The following LIN7A variants were observed in gnomAD, a reference collection of about 807,000 sequenced individuals.
LIN7A encodes the protein lin-7 cell polarity scaffold A.
Under a neutral mutation model 29.8 loss-of-function variants are expected in LIN7A, and 25 were observed. The ratio of observed to expected loss-of-function variants is 0.84; its 90% confidence interval spans 0.61 to 1.17. LIN7A has a LOEUF of 1.17. Among genes scored for constraint, LIN7A ranks in the 50% most tolerant of loss-of-function variants. The pLI is 0.00. For synonymous variants in LIN7A, 118 were observed against 107.5 expected, an observed-to-expected ratio of 1.10 and a Z score of -0.60; for missense variants, 239 against 287.0, an observed-to-expected ratio of 0.83 and a Z score of 1.21.
intron 4 of LIN7A, chr12:80,841,891 A>G (rs1872839991): frequency 1.9e-6 from 2 of 1,033,548 alleles, no homozygotes; most frequent in South Asian, 3.2e-5. Context: ...TTGACCTCCT[A>G]TTAATGTTAA....
chr12:80,808,927 T>G (rs1871163782), intron 5 of LIN7A, among the ~76,000 whole-genome samples: 1 of 152,190 alleles, frequency 6.6e-6, no homozygotes, highest in Admixed American at 6.5e-5. Flanking sequence ...AGGATTGTTG[T>G]AGGACAAATC....
chr12:80,853,866 GT>G (rs897790760), intron 2 of LIN7A, among the ~76,000 whole-genome samples: 3 of 151,908 alleles, frequency 2.0e-5, no homozygotes, highest in African/African-American at 7.3e-5. Context: ...TAATTTTTTT[GT>G]ATTTTTAATA....
chr12:80,904,330 T>C (rs1403780286), intron 1 of LIN7A, among the ~76,000 whole-genome samples: 1 of 152,136 alleles, frequency 6.6e-6, no homozygotes, highest in Non-Finnish European at 1.5e-5. Context: ...AAATCTACTC[T>C]CCTAGTGATT....
At chr12:80,912,014 A>AT (rs1458000600) in intron 1 of LIN7A, among the ~76,000 whole-genome samples, 1 of 151,802 alleles carries the variant, frequency 6.6e-6, no homozygotes, top group Non-Finnish European at 1.5e-5. Flanking sequence ...TTATTTCTCT[A>AT]TTAACAGATA....
At position 80,848,239 on chromosome 12, in the gene LIN7A, C is replaced by T. The variant is rs767200120; in HGVS notation, c.273+12G>A. 1 of 1,607,060 alleles carries T rather than the reference C, an allele frequency of 6.2e-7. No individual in the cohort carries two copies. Reference sequence around the variant, plus strand: ...GGGGTCAAGTATATTTTTAAAGTTACTCAAGCCTTACCTTTGCTGTTGCCC... The same window carrying T: ...GGGGTCAAGTATATTTTTAAAGTTATTCAAGCCTTACCTTTGCTGTTGCCC... On this transcript the variant is annotated intron_variant, in intron 3 of 5. Coordinates refer to ENST00000552864, the MANE Select transcript of LIN7A (RefSeq NM_004664.4).
At chr12:80,897,760 G>A (rs551744233) in intron 1 of LIN7A, among the ~76,000 whole-genome samples, 15 of 152,112 alleles carry the variant, frequency 9.9e-5, no homozygotes, top group African/African-American at 2.7e-4. Context: ...AGCCAAGATC[G>A]TGCCACTGCA....
chr12:80,870,969 G>A (rs571529156), intron 2 of LIN7A, among the ~76,000 whole-genome samples: 1 of 152,188 alleles, frequency 6.6e-6, no homozygotes, highest in Admixed American at 6.5e-5. Flanking sequence ...TATACCTCAG[G>A]GAAAGGTCAA....
intron 2 of LIN7A, among the ~76,000 whole-genome samples, chr12:80,878,776 C>A (rs148842080): frequency 6.6e-6 from 1 of 152,276 alleles, no homozygotes; most frequent in African/African-American, 2.4e-5. Context: ...TTACAAACCT[C>A]TAGCCACAGA....
intron 4 of LIN7A, among the ~76,000 whole-genome samples, chr12:80,832,259 G>T (rs989348723): frequency 6.6e-6 from 1 of 152,144 alleles, no homozygotes; most frequent in African/African-American, 2.4e-5. Flanking sequence ...CTCCCTTAGG[G>T]TATGATCTAC....
At chr12:80,883,266 G>A (rs1265099454) in intron 2 of LIN7A, among the ~76,000 whole-genome samples, 2 of 151,998 alleles carry the variant, frequency 1.3e-5, no homozygotes, top group African/African-American at 4.8e-5. Flanking sequence ...CTGAATCTAA[G>A]TTGTATCACC....
At chr12:80,829,948 G>A (rs1344577983) in intron 4 of LIN7A, among the ~76,000 whole-genome samples, 1 of 152,144 alleles carries the variant, frequency 6.6e-6, no homozygotes, top group African/African-American at 2.4e-5. Flanking sequence ...ATTCCAAAAT[G>A]CACTCTCGTG....
intron 2 of LIN7A, among the ~76,000 whole-genome samples, chr12:80,886,496 A>AG (rs1356314276): frequency 1.1e-4 from 17 of 151,724 alleles, no homozygotes; most frequent in Non-Finnish European, 2.4e-4. Flanking sequence ...ATAATAAAGA[A>AG]ATTCCAAACT....
Position 80,930,627 on chromosome 12 carries a change from C to A in LIN7A, c.82+7014G>T, listed in dbSNP as rs553696465. Among the ~76,000 whole-genome samples, 7 of 152,228 alleles carry A rather than the reference C, an allele frequency of 4.6e-5. No homozygotes were observed. The East Asian group carries it at 9.6e-4, about 21-fold the overall frequency. On this transcript the variant is annotated intron_variant, in intron 1 of 5. Coordinates refer to ENST00000552864, the MANE Select transcript of LIN7A (RefSeq NM_004664.4). The stretch of plus-strand genomic sequence containing the variant: ...AGTTGTATTCTGACATTAGCTCGTG[C>A]GATTCAATTCATAAGTTAAAACAGC...
At chr12:80,859,697 A>G (rs1873769984) in intron 2 of LIN7A, among the ~76,000 whole-genome samples, 1 of 152,170 alleles carries the variant, frequency 6.6e-6, no homozygotes, top group Non-Finnish European at 1.5e-5. Flanking sequence ...AAACAAATAC[A>G]ATAAAACCCC....
chr12:80,840,732 T>A (rs1872769936), intron 4 of LIN7A, among the ~76,000 whole-genome samples: 1 of 152,122 alleles, frequency 6.6e-6, no homozygotes, highest in Non-Finnish European at 1.5e-5. Flanking sequence ...TGTGTGTTGG[T>A]CAGGGGAGGG....
chr12:80,914,858 T>C (rs868864452), intron 1 of LIN7A, among the ~76,000 whole-genome samples: 2 of 152,068 alleles, frequency 1.3e-5, no homozygotes, highest in South Asian at 4.1e-4. Context: ...CTAGGCAACA[T>C]AGTGAGAATC....
At chr12:80,905,459 A>C (rs1876430053) in intron 1 of LIN7A, among the ~76,000 whole-genome samples, 1 of 152,196 alleles carries the variant, frequency 6.6e-6, no homozygotes, top group African/African-American at 2.4e-5. Flanking sequence ...TCATCCACAG[A>C]TGTTTAAAAA....
At chr12:80,910,526 G>T (rs1408864249) in intron 1 of LIN7A, among the ~76,000 whole-genome samples, 1 of 152,150 alleles carries the variant, frequency 6.6e-6, no homozygotes. Flanking sequence ...GTTTCTTGCA[G>T]AAACCCTTTA....
chr12:80,805,485 G>A (rs139346100), intron 5 of LIN7A, among the ~76,000 whole-genome samples: 28 of 152,196 alleles, frequency 1.8e-4, no homozygotes, highest in Non-Finnish European at 7.4e-5. Context: ...TAAGATACAG[G>A]CTGGTTTTGA....
Sources: allele counts gnomAD v4.1 joint callset (sites outside exome capture counted in the v4.1 genomes callset), GRCh38; gene constraint gnomAD v4.1.1; transcripts MANE v1.5; gene names NCBI Gene and HGNC (gene_info 2026-07-23, HGNC 2026-07-21).